Variants in BEST3 observed in about 807,000 individuals in gnomAD.
BEST3 encodes the protein bestrophin-3.
Under a neutral mutation model 47.1 loss-of-function variants are expected in BEST3, and 50 were observed. That is an observed-to-expected ratio of 1.06 (90% CI 0.85 to 1.34). The LOEUF is 1.34. Ranked by LOEUF, BEST3 falls within the 40% of genes most tolerant of loss-of-function variation. The probability of loss-of-function intolerance (pLI) is 0.00; values close to 1 mark genes in which losing one functional copy is unlikely to be tolerated. For synonymous variants in BEST3, 282 were observed against 298.8 expected, an observed-to-expected ratio of 0.94 and a Z score of 0.58; for missense variants, 765 against 817.0, an observed-to-expected ratio of 0.94 and a Z score of 0.78.
chr12:69,643,789 T>TGGGGAGAA, intron 9 of BEST3: 1 of 714,420 alleles, frequency 1.4e-6, no homozygotes, highest in South Asian at 1.5e-5. Context: ...ATCTGTTTCC[T>TGGGGAGAA]GGGGAGAAGG....
Position 69,672,883 on chromosome 12 carries a change from A to G in BEST3, c.948+2T>C. On this transcript the variant is annotated splice_donor_variant, in intron 8 of 9. Coordinates refer to ENST00000330891, the MANE Select transcript of BEST3 (RefSeq NM_032735.3). LOFTEE classifies it high-confidence loss of function. Reference sequence around the variant, plus strand: ...TGAAAAAGAAAGAAAAATTCCTCTAACCTGCAAATTTCTGTCAATGCACCA... The same window carrying G: ...TGAAAAAGAAAGAAAAATTCCTCTAGCCTGCAAATTTCTGTCAATGCACCA... 1 of 1,604,524 alleles carries G rather than the reference A, an allele frequency of 6.2e-7. No homozygotes were observed. Among genetic ancestry groups the G allele is most frequent in the Non-Finnish European group, 8.5e-7 (1 of 1,175,112 alleles).
At chr12:69,659,376 C>T (rs187994895) in intron 9 of BEST3, among the ~76,000 whole-genome samples, 1 of 152,152 alleles carries the variant, frequency 6.6e-6, no homozygotes, top group Non-Finnish European at 1.5e-5. Context: ...TATTTAGAGA[C>T]AAAGCCTCAC....
chr12:69,662,786 A>T (rs533856221), intron 9 of BEST3, among the ~76,000 whole-genome samples: 1 of 152,216 alleles, frequency 6.6e-6, no homozygotes, highest in South Asian at 2.1e-4. Flanking sequence ...ACATTTTGAC[A>T]TAATTATTTG....
At chr12:69,681,531 T>A (rs901585392) in intron 4 of BEST3, among the ~76,000 whole-genome samples, 5 of 152,256 alleles carry the variant, frequency 3.3e-5, no homozygotes, top group East Asian at 1.9e-4. Context: ...GTAAAAAAAA[T>A]GTCAAAGGAG....
chr12:69,691,560 C>T (rs551073235), intron 4 of BEST3, among the ~76,000 whole-genome samples: 3 of 152,026 alleles, frequency 2.0e-5, no homozygotes, highest in Non-Finnish European at 4.4e-5. Context: ...TTTGGGAGGC[C>T]GAGGTGGGCG....
intron 4 of BEST3, chr12:69,684,597 T>C (rs1349337847): frequency 1.5e-6 from 1 of 678,336 alleles, no homozygotes; most frequent in East Asian, 2.7e-5. Context: ...ATGGGTTTCA[T>C]GCCAGTTCTT....
intron 9 of BEST3, among the ~76,000 whole-genome samples, chr12:69,658,044 G>A (rs1458801281): frequency 6.6e-6 from 1 of 152,100 alleles, no homozygotes; most frequent in East Asian, 1.9e-4. Context: ...AGTTAGGGAG[G>A]AGGACACCAG....
chr12:69,696,677 C>T (rs1211011239), intron 2 of BEST3, among the ~76,000 whole-genome samples: 1 of 152,110 alleles, frequency 6.6e-6, no homozygotes, highest in Non-Finnish European at 1.5e-5. Context: ...TAATAATTAT[C>T]AGTCAACTAC....
At chr12:69,694,328 A>G (rs989056230) in intron 3 of BEST3, 42 bp downstream of exon 3, 5 of 1,279,552 alleles carry the variant, frequency 3.9e-6, no homozygotes, top group Non-Finnish European at 4.4e-6. Context: ...ATCCTAACGG[A>G]GACAGCTATG....
At chr12:69,674,868 G>GC (rs1884802451) in intron 7 of BEST3, among the ~76,000 whole-genome samples, 1 of 150,648 alleles carries the variant, frequency 6.6e-6, no homozygotes, top group Non-Finnish European at 1.5e-5. Flanking sequence ...AGAAATGGAG[G>GC]CACAACCCAT....
intron 7 of BEST3, among the ~76,000 whole-genome samples, chr12:69,673,419 A>G (rs1884704440): frequency 6.6e-6 from 1 of 152,154 alleles, no homozygotes; most frequent in Non-Finnish European, 1.5e-5. Context: ...AAAATAATAT[A>G]AGAGGCTTTC....
intron 4 of BEST3, among the ~76,000 whole-genome samples, chr12:69,685,589 A>G (rs1266563974): frequency 6.6e-6 from 1 of 152,212 alleles, no homozygotes; most frequent in Non-Finnish European, 1.5e-5. Flanking sequence ...AGATTCCAAC[A>G]TGCAGCAAAG....
chr12:69,690,487 T>C (rs894263838), intron 4 of BEST3, among the ~76,000 whole-genome samples: 2 of 152,334 alleles, frequency 1.3e-5, no homozygotes, highest in East Asian at 3.9e-4. Flanking sequence ...TCGGAGCTCA[T>C]GTCTGACCAG....
chr12:69,665,727 T>C (rs1332809805), intron 9 of BEST3, among the ~76,000 whole-genome samples: 1 of 152,220 alleles, frequency 6.6e-6, no homozygotes, highest in Non-Finnish European at 1.5e-5. Context: ...CCAGAGTCCC[T>C]GTCTCTTAGT....
chr12:69,645,711 T>C lies in BEST3; in HGVS notation c.1101-1924A>G, dbSNP rs578138060. Among the ~76,000 whole-genome samples, 7 of 152,316 alleles carry C rather than the reference T, an allele frequency of 4.6e-5. No homozygotes were observed. The South Asian group carries it at 8.3e-4, about 18-fold the overall frequency. ...CCTTTTCTATATTCCTCCTATTTAATGGGTAATAGGGCTTTGTAGCTGTCG... is the reference window on the plus strand; with the variant it reads ...CCTTTTCTATATTCCTCCTATTTAACGGGTAATAGGGCTTTGTAGCTGTCG... On this transcript the variant is annotated intron_variant, in intron 9 of 9. Coordinates refer to the BEST3 transcript ENST00000331471.
chr12:69,654,044 G>A lies in BEST3; in HGVS notation c.*863C>T, dbSNP rs1006405132. ...GTCAATGGCTGCAAGGGCACGGGGG[G>A]AACCATCACTCCTATATGCCTTCCA... On this transcript the variant is annotated 3_prime_UTR_variant, in exon 10 of 10. Transcript: ENST00000330891. 32 of 985,316 alleles carry A rather than the reference G, an allele frequency of 3.2e-5. No homozygotes were observed. The highest frequency in any genetic ancestry group is 3.5e-5 in the African/African-American group (2 of 57,232). 61.0% of individuals were successfully genotyped at this position (985,316 alleles called of 1,614,324 possible).
intron 4 of BEST3, among the ~76,000 whole-genome samples, chr12:69,685,568 A>C (rs953960008): frequency 3.9e-5 from 6 of 152,198 alleles, no homozygotes; most frequent in Admixed American, 3.3e-4. Context: ...GAATTTTTAA[A>C]AGATCACCAG....
chr12:69,686,503 G>A (rs530647841), intron 4 of BEST3, among the ~76,000 whole-genome samples: 1 of 152,006 alleles, frequency 6.6e-6, no homozygotes, highest in Non-Finnish European at 1.5e-5. Context: ...GGCTGGGCTC[G>A]GTGGCTCACG....
At chr12:69,698,892 G>A (rs1195959391) in intron 1 of BEST3, among the ~76,000 whole-genome samples, 1 of 152,194 alleles carries the variant, frequency 6.6e-6, no homozygotes, top group Non-Finnish European at 1.5e-5. Context: ...AGAAGGTAGG[G>A]CCTTTTGGCA....
Sources: allele counts gnomAD v4.1 joint callset (sites outside exome capture counted in the v4.1 genomes callset), GRCh38; gene constraint gnomAD v4.1.1; transcripts MANE v1.5; gene names NCBI Gene and HGNC (gene_info 2026-07-23, HGNC 2026-07-21).